Variants in ARMH4 observed in about 807,000 individuals in gnomAD.
ARMH4 encodes armadillo like helical domain containing 4, also known as armadillo-like helical domain-containing protein 4.
Under a neutral mutation model 61.9 loss-of-function variants are expected in ARMH4, and 49 were observed. The observed-to-expected ratio is 0.79, with a 90% confidence interval of 0.63 to 1.00. The LOEUF (loss-of-function observed/expected upper bound fraction) is 1.00, where lower values mean the gene tolerates loss of function less well. ARMH4 is among the 50% of genes least tolerant of loss of function. The pLI is 0.00. For synonymous variants in ARMH4, 368 were observed against 341.5 expected (o/e 1.08, Z -0.85); for missense variants, 934 against 930.0 (o/e 1.00, Z -0.06).
chr14:58,143,055 C>A (rs895533184), intron 1 of ARMH4, among the ~76,000 whole-genome samples: 1 of 152,252 alleles, frequency 6.6e-6, no homozygotes, highest in Admixed American at 6.5e-5. Context: ...ATCTTGACTA[C>A]ACCTTCTTGA....
chr14:58,116,413 A>G (rs760345062), intron 4 of ARMH4: 1 of 401,184 alleles, frequency 2.5e-6, no homozygotes, highest in South Asian at 1.8e-5. Flanking sequence ...AGGAGTTCAC[A>G]CTTGTAATTC....
chr14:58,122,634 C>T (rs1315826800), intron 4 of ARMH4, among the ~76,000 whole-genome samples: 1 of 152,004 alleles, frequency 6.6e-6, no homozygotes. Flanking sequence ...AAAAAAAAGG[C>T]CACCGCTTTA....
rs989804383 is a variant in ARMH4 at position 58,138,668 on chromosome 14, G to C, written c.691C>G (p.His231Asp). 1 of 1,614,154 alleles carries C rather than the reference G, an allele frequency of 6.2e-7. No individual in the cohort carries two copies. Among genetic ancestry groups the C allele is most frequent in the Non-Finnish European group, 8.5e-7 (1 of 1,180,036 alleles). Residue 231 changes from histidine to aspartate, a missense_variant, in exon 2 of 8, where the codon CAC (histidine) becomes GAC (aspartate). His to Asp is a moderately conservative substitution (Grantham distance 81, BLOSUM62 -1). Coordinates refer to ENST00000267485, the MANE Select transcript of ARMH4 (RefSeq NM_001001872.4). ...KTEKFEADTD[H>D]RTTSFPGAES... is the part of the protein sequence containing the mutation. Reference sequence around the variant, plus strand: ...GCACCAGGAAAAGAAGTTGTCCTGTGGTCTGTGTCTGCTTCAAATTTCTCA... The same window carrying C: ...GCACCAGGAAAAGAAGTTGTCCTGTCGTCTGTGTCTGCTTCAAATTTCTCA...
intron 5 of ARMH4, among the ~76,000 whole-genome samples, chr14:58,090,004 T>C (rs1477225600): frequency 1.3e-5 from 2 of 152,238 alleles, no homozygotes; most frequent in Non-Finnish European, 2.9e-5. Flanking sequence ...AAAAGATAGA[T>C]ACATGAGTGC....
At chr14:58,068,229 A>AC (rs1251117318) in intron 5 of ARMH4, among the ~76,000 whole-genome samples, 3 of 151,396 alleles carry the variant, frequency 2.0e-5, no homozygotes, top group African/African-American at 2.4e-5. Flanking sequence ...AATTCTGTCT[A>AC]CCCCCCAACC....
At chr14:58,147,087 A>G (rs529623159) in intron 1 of ARMH4, among the ~76,000 whole-genome samples, 3 of 152,216 alleles carry the variant, frequency 2.0e-5, no homozygotes, top group African/African-American at 7.2e-5. Context: ...ACTGGAAGTT[A>G]CTTTGATGAC....
chr14:58,087,437 G>A (rs1433304486), intron 5 of ARMH4, among the ~76,000 whole-genome samples: 1 of 152,118 alleles, frequency 6.6e-6, no homozygotes, highest in East Asian at 1.9e-4. Flanking sequence ...TTCTCATGGT[G>A]GCCACTGGAC....
chr14:58,004,912 T>C, intron 7 of ARMH4, 108 bp from the exon 8 acceptor site: 7 of 1,515,132 alleles, frequency 4.6e-6, no homozygotes, highest in Non-Finnish European at 6.4e-6. Context: ...AGGCAGGAGC[T>C]ACAGCAGCTA....
chr14:58,039,550 G>C (rs536662952), intron 5 of ARMH4, among the ~76,000 whole-genome samples: 1 of 152,222 alleles, frequency 6.6e-6, no homozygotes, highest in East Asian at 1.9e-4. Flanking sequence ...TTAACTCTTT[G>C]CCATTTAAAG....
At chr14:58,083,839 A>G (rs1885302735) in intron 5 of ARMH4, among the ~76,000 whole-genome samples, 1 of 152,204 alleles carries the variant, frequency 6.6e-6, no homozygotes, top group African/African-American at 2.4e-5. Context: ...TTGACTCCAC[A>G]TAGATTGGTG....
At chr14:58,125,753 G>A (rs1798668123) in intron 4 of ARMH4, among the ~76,000 whole-genome samples, 1 of 152,180 alleles carries the variant, frequency 6.6e-6, no homozygotes, top group Non-Finnish European at 1.5e-5. Flanking sequence ...TCAGCAGGAA[G>A]CAGTTAGAAC....
intron 5 of ARMH4, among the ~76,000 whole-genome samples, chr14:58,085,975 G>C (rs1885364293): frequency 6.6e-6 from 1 of 152,190 alleles, no homozygotes; most frequent in Non-Finnish European, 1.5e-5. Flanking sequence ...AAGAAGACTT[G>C]ATTCTCAGAA....
At position 58,042,188 on chromosome 14, in the gene ARMH4, C is replaced by T. The variant is rs145718342; in HGVS notation, c.2090-30038G>A. 2.1e-3 allele frequency among the ~76,000 whole-genome samples: 315 copies of T among 152,306 alleles called. 1 individual carries two copies. Among genetic ancestry groups the T allele is most frequent in the African/African-American group, 7.2e-3 (300 of 41,580 alleles). On this transcript the variant is annotated intron_variant, in intron 5 of 7. Coordinates refer to ENST00000267485, the MANE Select transcript of ARMH4 (RefSeq NM_001001872.4). ...ACATTTATTCTTCCAAAATTGACCA[C>T]ATAGTTGGAAATAAAACACTCCTCA...
At chr14:58,081,786 G>A (rs369332121) in intron 5 of ARMH4, among the ~76,000 whole-genome samples, 1 of 151,706 alleles carries the variant, frequency 6.6e-6, no homozygotes, top group African/African-American at 2.4e-5. Flanking sequence ...GATTACAGGC[G>A]TGAGCCACCA....
chr14:58,080,217 C>A (rs1267577230), intron 5 of ARMH4, among the ~76,000 whole-genome samples: 1 of 151,990 alleles, frequency 6.6e-6, no homozygotes, highest in African/African-American at 2.4e-5. Flanking sequence ...GCAACCTCCA[C>A]TTCCTGGGTT....
intron 4 of ARMH4, among the ~76,000 whole-genome samples, chr14:58,113,717 C>T (rs953472546): frequency 4.6e-5 from 7 of 152,020 alleles, no homozygotes; most frequent in Non-Finnish European, 1.0e-4. Flanking sequence ...CTTTGTGCTA[C>T]ACTCTCTATA....
intron 5 of ARMH4, among the ~76,000 whole-genome samples, chr14:58,038,596 A>G (rs1883571566): frequency 6.6e-6 from 1 of 152,040 alleles, no homozygotes; most frequent in African/African-American, 2.4e-5. Flanking sequence ...AAATTCCATT[A>G]TCAAGTTATC....
intron 1 of ARMH4, among the ~76,000 whole-genome samples, chr14:58,139,693 T>C (rs1887465855): frequency 6.6e-6 from 1 of 152,226 alleles, no homozygotes; most frequent in South Asian, 2.1e-4. Context: ...CTTGAAATAA[T>C]TTACCCTTGA....
At chr14:58,053,517 C>T (rs1884218605) in intron 5 of ARMH4, among the ~76,000 whole-genome samples, 1 of 152,238 alleles carries the variant, frequency 6.6e-6, no homozygotes, top group Admixed American at 6.5e-5. Context: ...GCCCCTGCTT[C>T]CCTTCTCTAT....
Sources: gnomAD v4.1 joint callset for allele counts (sites outside exome capture counted in the v4.1 genomes callset) on GRCh38, gnomAD v4.1.1 for gene constraint, MANE v1.5 for transcripts, NCBI Gene and HGNC (gene_info 2026-07-23, HGNC 2026-07-21) for gene names.